GALNT13: variants seen among roughly 807,000 people sequenced by gnomAD.
GALNT13 encodes the protein polypeptide N-acetylgalactosaminyltransferase 13, also known as UDP-GalNAc:polypeptide N-acetylgalactosaminyltransferase 13.
Under a neutral mutation model 64.2 loss-of-function variants are expected in GALNT13, and 28 were observed. That is an observed-to-expected ratio of 0.44 (90% CI 0.32 to 0.60). The LOEUF (loss-of-function observed/expected upper bound fraction) is 0.60. Among genes scored for constraint, GALNT13 ranks in the 20% least tolerant of loss-of-function variants. GALNT13 has a pLI of 0.05. For missense variants in GALNT13, 577 were observed against 669.8 expected (o/e 0.86, Z 1.53); for synonymous variants, 214 against 224.6 (o/e 0.95, Z 0.42).
At chr2:153,784,479 G>T in the GALNT13 span, among the ~76,000 whole-genome samples, 2 of 152,270 alleles carry the variant, frequency 1.3e-5, no homozygotes, top group East Asian at 3.9e-4. Flanking sequence ...CAATAGAAAA[G>T]AAAAACCCAT....
chr2:153,888,103 G>T (rs17618820), intron 1 of GALNT13, among the ~76,000 whole-genome samples: 24,521 of 151,852 alleles, frequency 0.16, 2,383 homozygotes, highest in East Asian at 0.26. Flanking sequence ...ATCAAGTGAG[G>T]AGAATATGTT....
intron 4 of GALNT13, among the ~76,000 whole-genome samples, chr2:154,215,348 G>A (rs962618223): frequency 4.0e-5 from 5 of 124,846 alleles, no homozygotes; most frequent in Non-Finnish European, 6.9e-5. Flanking sequence ...TAGAAACCTG[G>A]TTATCAAACC....
At chr2:153,447,858 T>C in the GALNT13 span, among the ~76,000 whole-genome samples, 1 of 152,188 alleles carries the variant, frequency 6.6e-6, no homozygotes, top group Admixed American at 6.5e-5. Context: ...TATTATGAGG[T>C]CTTGGATCAT....
chr2:154,335,648 T>A (rs1695402362), intron 9 of GALNT13, among the ~76,000 whole-genome samples: 1 of 152,016 alleles, frequency 6.6e-6, no homozygotes, highest in Non-Finnish European at 1.5e-5. Context: ...ACATTGAACA[T>A]TTTTTGTTAG....
chr2:153,430,001 G>A, the GALNT13 span, among the ~76,000 whole-genome samples: 2 of 152,050 alleles, frequency 1.3e-5, no homozygotes, highest in Admixed American at 6.6e-5. Context: ...ATCTTACAGG[G>A]ATTGCTTTGT....
At chr2:154,014,396 A>G (rs1696853417) in intron 3 of GALNT13, among the ~76,000 whole-genome samples, 1 of 151,924 alleles carries the variant, frequency 6.6e-6, no homozygotes, top group Non-Finnish European at 1.5e-5. Context: ...ACTGGGGGCC[A>G]GGAGTGGGTC....
At chr2:153,293,541 C>G in the GALNT13 span, among the ~76,000 whole-genome samples, 1 of 152,100 alleles carries the variant, frequency 6.6e-6, no homozygotes, top group Non-Finnish European at 1.5e-5. Flanking sequence ...AAAAACGCAG[C>G]CCTGCAAACA....
At chr2:154,380,469 A>G (rs1698213550) in intron 9 of GALNT13, among the ~76,000 whole-genome samples, 1 of 152,078 alleles carries the variant, frequency 6.6e-6, no homozygotes, top group African/African-American at 2.4e-5. Context: ...TCAACTCTTA[A>G]AATATTTTTA....
At chr2:153,365,598 C>T in the GALNT13 span, among the ~76,000 whole-genome samples, 1 of 152,126 alleles carries the variant, frequency 6.6e-6, no homozygotes, top group African/African-American at 2.4e-5. Flanking sequence ...TGAACAGACC[C>T]TTCTCAAAAG....
chr2:154,133,041 G>A (rs1682715652), intron 3 of GALNT13, among the ~76,000 whole-genome samples: 1 of 152,190 alleles, frequency 6.6e-6, no homozygotes, highest in African/African-American at 2.4e-5. Flanking sequence ...AAGGTGTGAT[G>A]TGGGCATCCA....
chr2:154,225,101 G>GAGATAGATAGATAGAT (rs3078692), intron 4 of GALNT13, among the ~76,000 whole-genome samples: 375 of 136,192 alleles, frequency 2.8e-3, no homozygotes, highest in Middle Eastern at 3.8e-3. Flanking sequence ...CACACATGGA[G>GAGATAGATAGATAGAT]AGATAGATAG....
the GALNT13 span, among the ~76,000 whole-genome samples, chr2:153,717,001 A>G: frequency 4.6e-5 from 7 of 152,200 alleles, no homozygotes; most frequent in East Asian, 1.9e-4. Flanking sequence ...GTCATCTAGC[A>G]TGCTCTGAAC....
At chr2:153,227,866 G>T in the GALNT13 span, among the ~76,000 whole-genome samples, 1 of 152,128 alleles carries the variant, frequency 6.6e-6, no homozygotes, top group Non-Finnish European at 1.5e-5. Context: ...ACATTCTGTT[G>T]GCTCATGTAG....
In GALNT13 at chr2:153,872,280, C is replaced by T. The variant is rs62174125; in HGVS notation, c.-200C>T. On this transcript the variant is annotated 5_prime_UTR_variant, in exon 1 of 13. Coordinates refer to ENST00000392825, the MANE Select transcript of GALNT13 (RefSeq NM_052917.4). ...TGTGTGGACCGCCGTTCCCTCTTCG[C>T]GGGATCGTTGGCCAGGATAGCAGGT... The T allele has an allele frequency of 0.42, 63,431 of 151,984 alleles. 14,133 individuals carry two copies. The highest frequency in any genetic ancestry group is 0.57 in the Admixed American group (8,679 of 15,266). 9.4% of individuals were successfully genotyped at this position (151,984 alleles called of 1,614,324 possible). A position where few individuals can be genotyped will look rare whatever the true frequency, so the allele number is the denominator to read the frequency against.
In GALNT13 at chr2:154,428,683, C is replaced by T. The variant is rs533654258; in HGVS notation, c.1396-9909C>T. ...CTTCATTTTTCCAACAGCATGTGCCCACTTTATGTCTTTGTGTCAAACTTT... is the reference window on the plus strand; with the variant it reads ...CTTCATTTTTCCAACAGCATGTGCCTACTTTATGTCTTTGTGTCAAACTTT... On this transcript the variant is annotated intron_variant, in intron 11 of 12. Coordinates refer to ENST00000392825, the MANE Select transcript of GALNT13 (RefSeq NM_052917.4). Among the ~76,000 whole-genome samples the T allele has an allele frequency of 9.2e-5, 14 of 152,238 alleles. No individual in the cohort carries two copies. The East Asian group carries it at 2.5e-3, about 27-fold the overall frequency.
chr2:153,393,756 A>G, the GALNT13 span, among the ~76,000 whole-genome samples: 1 of 151,970 alleles, frequency 6.6e-6, no homozygotes, highest in East Asian at 1.9e-4. Context: ...TGGCCTTAGG[A>G]GGAAAAAGAT....
Position 154,418,312 on chromosome 2 carries a change from T to G in GALNT13, c.1395+9230T>G, listed in dbSNP as rs1435092181. The stretch of plus-strand genomic sequence containing the variant: ...AAATGAATATCAAAAGATACCCATG[T>G]TCTAACCCCTGGAGCCTGTGTTTTA... On this transcript the variant is annotated intron_variant, in intron 11 of 12. Coordinates refer to ENST00000392825, the MANE Select transcript of GALNT13 (RefSeq NM_052917.4). Among the ~76,000 whole-genome samples, 8 of 152,306 alleles carry G rather than the reference T, an allele frequency of 5.3e-5. No homozygotes were observed. The South Asian group carries it at 8.3e-4, about 16-fold the overall frequency.
At chr2:153,584,101 C>T in the GALNT13 span, among the ~76,000 whole-genome samples, 1 of 152,064 alleles carries the variant, frequency 6.6e-6, no homozygotes, top group East Asian at 1.9e-4. Flanking sequence ...AATGTAAGTC[C>T]CACTCTTACT....
chr2:154,025,326 A>G (rs1697874302), intron 3 of GALNT13, among the ~76,000 whole-genome samples: 1 of 152,104 alleles, frequency 6.6e-6, no homozygotes, highest in African/African-American at 2.4e-5. Context: ...CCATGTTTAA[A>G]TGTTTATCAA....
Sources: allele counts gnomAD v4.1 joint callset (sites outside exome capture counted in the v4.1 genomes callset), GRCh38; gene constraint gnomAD v4.1.1; transcripts MANE v1.5; gene names NCBI Gene and HGNC (gene_info 2026-07-23, HGNC 2026-07-21).